The following AGPAT5 variants were observed in gnomAD, a reference collection of about 807,000 sequenced individuals.
AGPAT5 encodes 1-acyl-sn-glycerol-3-phosphate acyltransferase epsilon.
Under a neutral mutation model 45.6 loss-of-function variants are expected in AGPAT5, and 46 were observed. The ratio of observed to expected loss-of-function variants is 1.01; its 90% CI spans 0.80 to 1.29. The LOEUF (loss-of-function observed/expected upper bound fraction) is 1.29, where lower values mean the gene tolerates loss of function less well. Among genes scored for constraint, AGPAT5 ranks in the 50% most tolerant of loss-of-function variants. The pLI, the probability that AGPAT5 is intolerant of heterozygous loss-of-function variation, is 0.00. For missense variants in AGPAT5, 673 were observed against 450.7 expected (o/e 1.49, Z -4.47); for synonymous variants, 272 against 167.0 (o/e 1.63, Z -4.85).
At chr8:6,712,268 C>A (rs1014677022) in intron 1 of AGPAT5, among the ~76,000 whole-genome samples, 1 of 152,122 alleles carries the variant, frequency 6.6e-6, no homozygotes, top group Non-Finnish European at 1.5e-5. Flanking sequence ...ATTTGATTAA[C>A]TGTTTTATTT....
intron 2 of AGPAT5, among the ~76,000 whole-genome samples, chr8:6,726,651 A>G (rs767432501): frequency 6.6e-6 from 1 of 152,200 alleles, no homozygotes; most frequent in Non-Finnish European, 1.5e-5. Context: ...TAAAAAAAAC[A>G]ATTCTGCATG....
chr8:6,733,524 A>C (rs1295967480), intron 4 of AGPAT5, among the ~76,000 whole-genome samples: 1 of 152,178 alleles, frequency 6.6e-6, no homozygotes, highest in African/African-American at 2.4e-5. Flanking sequence ...TGGGTGACAG[A>C]AGCAGAATGG....
intron 4 of AGPAT5, among the ~76,000 whole-genome samples, chr8:6,741,448 C>T (rs886484591): frequency 2.0e-5 from 3 of 152,064 alleles, no homozygotes; most frequent in Non-Finnish European, 2.9e-5. Flanking sequence ...ATGAATGTAG[C>T]ACTGCATTTA....
intron 1 of AGPAT5, among the ~76,000 whole-genome samples, chr8:6,723,342 T>G (rs1800570916): frequency 6.6e-6 from 1 of 152,160 alleles, no homozygotes; most frequent in Non-Finnish European, 1.5e-5. Flanking sequence ...CGCACCACCA[T>G]GCCTGGCTAA....
intron 6 of AGPAT5, among the ~76,000 whole-genome samples, chr8:6,753,816 C>G (rs1254220751): frequency 6.6e-6 from 1 of 152,158 alleles, no homozygotes; most frequent in African/African-American, 2.4e-5. Context: ...ATTATTAAAG[C>G]CAGTTTACTC....
At chr8:6,728,917 A>G (rs139603378) in intron 2 of AGPAT5, among the ~76,000 whole-genome samples, 376 of 152,332 alleles carry the variant, frequency 2.5e-3, no homozygotes, top group African/African-American at 6.5e-3. Context: ...TACTTTAGAG[A>G]AAAGTGATCA....
At chr8:6,737,604 A>G (rs1038065031) in intron 4 of AGPAT5, among the ~76,000 whole-genome samples, 1 of 152,236 alleles carries the variant, frequency 6.6e-6, no homozygotes, top group Non-Finnish European at 1.5e-5. Context: ...ATTTTGTTAG[A>G]CTATGAGCTA....
chr8:6,724,769 A>G (rs1800627345), intron 1 of AGPAT5, 101 bp from the exon 2 acceptor site: 2 of 385,466 alleles, frequency 5.2e-6, no homozygotes, highest in Non-Finnish European at 9.6e-6. Flanking sequence ...ATGGATGGAA[A>G]TATTCACAAC....
chr8:6,713,688 G>A lies in AGPAT5; in HGVS notation c.219+4801G>A, dbSNP rs544757653. Among the ~76,000 whole-genome samples the A allele has an allele frequency of 1.4e-3, 219 of 151,832 alleles. 1 individual carries two copies. Among genetic ancestry groups the A allele is most frequent in the African/African-American group, 5.0e-3 (206 of 41,342 alleles). On this transcript the variant is annotated intron_variant, in intron 1 of 7. Coordinates refer to ENST00000285518, the MANE Select transcript of AGPAT5 (RefSeq NM_018361.5). ...CCCACCTCAGCCTCCTGAGTAGCTG[G>A]GACTACAGGTACACAGCACCATGCC... is the stretch of plus-strand genomic sequence containing the variant.
chr8:6,744,381 G>C (rs998261792), intron 5 of AGPAT5, among the ~76,000 whole-genome samples: 1 of 152,206 alleles, frequency 6.6e-6, no homozygotes, highest in African/African-American at 2.4e-5. Flanking sequence ...GCTCCCTGTG[G>C]CTGCTCTCAG....
chr8:6,751,975 T>G (rs1387389494), intron 6 of AGPAT5, among the ~76,000 whole-genome samples: 1 of 151,996 alleles, frequency 6.6e-6, no homozygotes, highest in Non-Finnish European at 1.5e-5. Flanking sequence ...TCAGGAGTTC[T>G]AGACCAGCGT....
chr8:6,749,093 A>G (rs1436080413), intron 6 of AGPAT5, among the ~76,000 whole-genome samples: 1 of 152,238 alleles, frequency 6.6e-6, no homozygotes, highest in African/African-American at 2.4e-5. Flanking sequence ...ATTATCTAAC[A>G]CTGTCTGTGT....
intron 2 of AGPAT5, among the ~76,000 whole-genome samples, chr8:6,727,238 T>C (rs571860572): frequency 1.3e-5 from 2 of 152,304 alleles, no homozygotes; most frequent in African/African-American, 4.8e-5. Context: ...TAAATTAGTC[T>C]CTCTCTTCCC....
chr8:6,723,926 T>C (rs1800592250), intron 1 of AGPAT5, among the ~76,000 whole-genome samples: 1 of 152,248 alleles, frequency 6.6e-6, no homozygotes, highest in African/African-American at 2.4e-5. Context: ...AAGCCTTAGC[T>C]AATTTATAAT....
rs1170239968 is a variant in AGPAT5, at chr8:6,759,934, CA to C, written c.*2549del. Among the ~76,000 whole-genome samples, 2 of 152,190 alleles carry C rather than the reference CA, an allele frequency of 1.3e-5. No homozygotes were observed. Among genetic ancestry groups the C allele is most frequent in the Non-Finnish European group, 2.9e-5 (2 of 68,036 alleles). On this transcript the variant is annotated 3_prime_UTR_variant, in exon 8 of 8. Coordinates refer to ENST00000285518, the MANE Select transcript of AGPAT5 (RefSeq NM_018361.5). ...ATTAAGTGATCTCAGTGAAACATGT[CA>C]AATGCCTTAAATTAACTAAGTTGGT... is the stretch of plus-strand genomic sequence containing the variant.
chr8:6,715,702 G>C (rs1376748626), intron 1 of AGPAT5, among the ~76,000 whole-genome samples: 1 of 152,112 alleles, frequency 6.6e-6, no homozygotes, highest in Non-Finnish European at 1.5e-5. Context: ...ATTCATCTAG[G>C]AAAGACATGA....
Position 6,730,701 on chromosome 8 carries a change from G to C in AGPAT5, c.290-10G>C. 6.2e-7 allele frequency: 1 copy of C among 1,603,912 alleles called. No homozygotes were observed. The highest frequency in any genetic ancestry group is 8.5e-7 in the Non-Finnish European group (1 of 1,171,804). ...CTCATGTACGCGCTAACTGGGTCCT[G>C]TCTCTGCAGTTGACTGGATTGTTGC... is the stretch of plus-strand genomic sequence containing the variant. On this transcript the variant is annotated splice_polypyrimidine_tract_variant and intron_variant, in intron 2 of 7. Transcript: ENST00000285518.
rs577403151 is a variant in AGPAT5 at position 6,709,898 on chromosome 8, GA to G, written c.219+1014del. On this transcript the variant is annotated intron_variant, in intron 1 of 7. Transcript: ENST00000285518. Reference sequence around the variant, plus strand: ...ACCAGTGTCTGTAAGTGTCTCCTTGGAAAGAAAAAAAGATACTGTTCCAGGT... The same window carrying G: ...ACCAGTGTCTGTAAGTGTCTCCTTGGAAGAAAAAAAGATACTGTTCCAGGT... Among the ~76,000 whole-genome samples the G allele has an allele frequency of 1.2e-3, 179 of 152,078 alleles. 1 individual carries two copies. The highest frequency in any genetic ancestry group is 3.9e-3 in the African/African-American group (162 of 41,482).
rs1255094162 is a variant in AGPAT5, at chr8:6,758,723, T to A, written c.*1335T>A. Reference sequence around the variant, plus strand: ...TGTGTTCCAGGAACCAGATCACGATTTTTAGCCATGGAACAATATATCCCA... The same window carrying A: ...TGTGTTCCAGGAACCAGATCACGATATTTAGCCATGGAACAATATATCCCA... On this transcript the variant is annotated 3_prime_UTR_variant, in exon 8 of 8. Transcript: ENST00000285518. 6.5e-6 allele frequency: 1 copy of A among 152,678 alleles called. No homozygotes were observed. Among genetic ancestry groups the A allele is most frequent in the East Asian group, 1.9e-4 (1 of 5,206 alleles). 9.5% of individuals were successfully genotyped at this position (152,678 alleles called of 1,614,324 possible).
Sources: gnomAD v4.1 joint callset for allele counts (sites outside exome capture counted in the v4.1 genomes callset) on GRCh38, gnomAD v4.1.1 for gene constraint, MANE v1.5 for transcripts, NCBI Gene and HGNC (gene_info 2026-07-23, HGNC 2026-07-21) for gene names.